Variants in MTFR1 observed in about 807,000 individuals in gnomAD.
MTFR1 encodes mitochondrial fission regulator 1.
In MTFR1, 28 loss-of-function variants were observed where a neutral mutation model predicts 38.8. The ratio of observed to expected loss-of-function variants is 0.72; its 90% CI spans 0.53 to 0.99. The LOEUF is 0.99. Ranked by LOEUF, MTFR1 falls within the 50% of genes least tolerant of loss-of-function variation. The pLI is 0.00. For missense variants in MTFR1, 358 were observed against 395.5 expected, an observed-to-expected ratio of 0.91 and a Z score of 0.81; for synonymous variants, 145 against 137.0, an observed-to-expected ratio of 1.06 and a Z score of -0.41.
rs774654530 is a variant in MTFR1 at position 65,769,977 on chromosome 8, T to G, written c.*49-970T>G. Among the ~76,000 whole-genome samples, 21 of 152,182 alleles carry G rather than the reference T, an allele frequency of 1.4e-4. 1 individual carries two copies. Among genetic ancestry groups the G allele is most frequent in the Non-Finnish European group, 1.9e-4 (13 of 68,042 alleles). ...CCGTGATTTTTAATTAGGTGAATAA[T>G]TTCATAATACCATACTCTTAAAAAT... On this transcript the variant is annotated intron_variant, in intron 3 of 3. Coordinates refer to the MTFR1 transcript ENST00000521247.
chr8:65,751,133 C>T (rs912006472), intron 3 of MTFR1, among the ~76,000 whole-genome samples: 8 of 152,216 alleles, frequency 5.3e-5, no homozygotes, highest in African/African-American at 1.9e-4. Context: ...CCTACAGGGT[C>T]TGAGGGCCTC....
intron 3 of MTFR1, among the ~76,000 whole-genome samples, chr8:65,767,708 G>C (rs1382780427): frequency 6.6e-6 from 1 of 152,176 alleles, no homozygotes; most frequent in Non-Finnish European, 1.5e-5. Flanking sequence ...TTAACATGTA[G>C]AGTTTCTTGG....
chr8:65,683,449 A>G (rs1186268696), intron 3 of MTFR1, among the ~76,000 whole-genome samples: 4 of 151,966 alleles, frequency 2.6e-5, no homozygotes, highest in African/African-American at 7.2e-5. Context: ...TATTGTTATT[A>G]TAGTATTAGA....
chr8:65,723,447 ATAATTT>A, intron 3 of MTFR1: 1 of 1,158,580 alleles, frequency 8.6e-7, no homozygotes, highest in Non-Finnish European at 1.1e-6. Flanking sequence ...AGAAATGAGC[ATAATTT>A]TAATATTTTA....
chr8:65,741,620 A>C (rs1193219527), intron 3 of MTFR1, among the ~76,000 whole-genome samples: 1 of 152,252 alleles, frequency 6.6e-6, no homozygotes, highest in African/African-American at 2.4e-5. Flanking sequence ...TAAATGTTAA[A>C]ATGTGTTCAG....
At chr8:65,682,571 A>T in intron 3 of MTFR1, 120 bp downstream of exon 3, 1 of 603,424 alleles carries the variant, frequency 1.7e-6, no homozygotes, top group Non-Finnish European at 2.3e-6. Context: ...GCCACTATCA[A>T]TACAATAGAA....
At chr8:65,645,099 C>A (rs897572311) in intron 1 of MTFR1, among the ~76,000 whole-genome samples, 1 of 152,186 alleles carries the variant, frequency 6.6e-6, no homozygotes, top group African/African-American at 2.4e-5. Flanking sequence ...CCTCCCCCGA[C>A]CTTCGGTCCA....
chr8:65,677,176 A>G (rs1001751828), intron 2 of MTFR1, among the ~76,000 whole-genome samples: 1 of 148,058 alleles, frequency 6.8e-6, no homozygotes, highest in Non-Finnish European at 1.5e-5. Flanking sequence ...GGTTCAAGCA[A>G]TTCTGCCTCA....
chr8:65,659,391 AAAGATCACAATC>A (rs1216687650), intron 1 of MTFR1, among the ~76,000 whole-genome samples: 2 of 151,924 alleles, frequency 1.3e-5, no homozygotes, highest in Non-Finnish European at 2.9e-5. Context: ...CAAGATCACA[AAAGATCACAATC>A]AAGATCACTG....
At chr8:65,768,806 T>A (rs996901733) in intron 3 of MTFR1, among the ~76,000 whole-genome samples, 16 of 152,278 alleles carry the variant, frequency 1.1e-4, no homozygotes, top group Admixed American at 5.2e-4. Context: ...ATATGTATGA[T>A]AAATATTACC....
chr8:65,762,023 G>A (rs556327884), intron 3 of MTFR1, among the ~76,000 whole-genome samples: 21 of 152,288 alleles, frequency 1.4e-4, no homozygotes, highest in African/African-American at 3.4e-4. Flanking sequence ...AACAGTCCAC[G>A]AGAGGGAGCC....
chr8:65,664,042 C>G (rs990571616), intron 1 of MTFR1, among the ~76,000 whole-genome samples: 42 of 152,060 alleles, frequency 2.8e-4, no homozygotes, highest in Non-Finnish European at 5.3e-4. Flanking sequence ...TCTCGAACTC[C>G]TGACCTGAAG....
At chr8:65,665,531 C>T (rs929055682) in intron 1 of MTFR1, among the ~76,000 whole-genome samples, 2 of 152,314 alleles carry the variant, frequency 1.3e-5, no homozygotes, top group African/African-American at 4.8e-5. Context: ...TTAGACTCAC[C>T]TTCATTAAAG....
chr8:65,645,632 C>A, intron 1 of MTFR1, among the ~76,000 whole-genome samples: 1 of 151,516 alleles, frequency 6.6e-6, no homozygotes, highest in East Asian at 2.0e-4. Flanking sequence ...CCCCAGCGAT[C>A]CTCACGCCTC....
chr8:65,718,409 T>C (rs1416446601), intron 2 of MTFR1: 1 of 152,210 alleles, frequency 6.6e-6, no homozygotes, highest in East Asian at 1.9e-4. Flanking sequence ...GATTGGCAAA[T>C]ACCCTGAGCT....
At chr8:65,724,035 A>T (rs1489932868) in intron 3 of MTFR1, among the ~76,000 whole-genome samples, 3 of 152,210 alleles carry the variant, frequency 2.0e-5, no homozygotes, top group Non-Finnish European at 2.9e-5. Flanking sequence ...ATCTATACTC[A>T]TAAATGCATA....
At chr8:65,727,255 G>A in intron 3 of MTFR1, 4 of 1,613,568 alleles carry the variant, frequency 2.5e-6, no homozygotes, top group Non-Finnish European at 3.4e-6. Context: ...AGTGGCAGCT[G>A]CAATTAAGCT....
intron 4 of MTFR1, among the ~76,000 whole-genome samples, chr8:65,694,599 C>T (rs1805380239): frequency 6.6e-6 from 1 of 152,112 alleles, no homozygotes; most frequent in African/African-American, 2.4e-5. Context: ...ATAATGGTCT[C>T]ATTGGGGCAA....
chr8:65,661,034 A>G (rs1053485153), intron 1 of MTFR1, among the ~76,000 whole-genome samples: 3 of 152,236 alleles, frequency 2.0e-5, no homozygotes, highest in African/African-American at 7.2e-5. Flanking sequence ...TATGGAGACA[A>G]TAAAAGGATC....
Sources: allele counts gnomAD v4.1 joint callset (sites outside exome capture counted in the v4.1 genomes callset), GRCh38; gene constraint gnomAD v4.1.1; transcripts MANE v1.5; gene names NCBI Gene and HGNC (gene_info 2026-07-23, HGNC 2026-07-21).